PAPSS1: variants seen among roughly 807,000 people sequenced by gnomAD.
PAPSS1 encodes the protein 3'-phosphoadenosine 5'-phosphosulfate synthase 1.
Under a neutral mutation model 72.0 loss-of-function variants are expected in PAPSS1, and 50 were observed. The ratio of observed to expected loss-of-function variants is 0.69; its 90% CI spans 0.55 to 0.88. The LOEUF (loss-of-function observed/expected upper bound fraction) is 0.88. Among genes scored for constraint, PAPSS1 ranks in the 40% least tolerant of loss-of-function variants. The probability of loss-of-function intolerance (pLI) is 0.00; values close to 1 mark genes in which losing one functional copy is unlikely to be tolerated. For synonymous variants in PAPSS1, 261 were observed against 263.6 expected, an observed-to-expected ratio of 0.99 and a Z score of 0.09; for missense variants, 657 against 782.2, an observed-to-expected ratio of 0.84 and a Z score of 1.91.
At chr4:107,650,073 T>C (rs1362636310) in intron 9 of PAPSS1, among the ~76,000 whole-genome samples, 2 of 152,180 alleles carry the variant, frequency 1.3e-5, no homozygotes, top group Admixed American at 6.5e-5. Flanking sequence ...TCACATGGGG[T>C]AATCAAAGTA....
chr4:107,689,344 G>A (rs920613113), intron 3 of PAPSS1, among the ~76,000 whole-genome samples: 21 of 151,962 alleles, frequency 1.4e-4, no homozygotes, highest in African/African-American at 4.1e-4. Flanking sequence ...GCCTCCCCAC[G>A]CCACAACCCA....
At chr4:107,663,859 T>C (rs1727250023) in intron 5 of PAPSS1, among the ~76,000 whole-genome samples, 1 of 152,226 alleles carries the variant, frequency 6.6e-6, no homozygotes. Flanking sequence ...TTGAGAAGTA[T>C]TGAAAACTAA....
At chr4:107,623,802 A>C (rs996259895) in intron 11 of PAPSS1, among the ~76,000 whole-genome samples, 1 of 152,228 alleles carries the variant, frequency 6.6e-6, no homozygotes, top group Non-Finnish European at 1.5e-5. Flanking sequence ...CCAGGGCAAA[A>C]GCAGCTTCAA....
intron 10 of PAPSS1, among the ~76,000 whole-genome samples, chr4:107,640,679 A>AAT (rs1338844160): frequency 6.6e-6 from 1 of 152,190 alleles, no homozygotes; most frequent in Non-Finnish European, 1.5e-5. Flanking sequence ...CAACAGCCTA[A>AAT]ATACTGTCAG....
rs149431834 is a variant in PAPSS1 at position 107,641,997 on chromosome 4, T to C, written c.1506+2805A>G. 3.5e-3 allele frequency among the ~76,000 whole-genome samples: 530 copies of C among 152,236 alleles called. 3 individuals carry two copies. Among genetic ancestry groups the C allele is most frequent in the African/African-American group, 0.012 (499 of 41,526 alleles). On this transcript the variant is annotated intron_variant, in intron 10 of 11. Coordinates refer to ENST00000265174, the MANE Select transcript of PAPSS1 (RefSeq NM_005443.5). Reference sequence around the variant, plus strand: ...GATTTACATTGATCCTATTTTCTCCTCTCAACAATAGAAACATAGACAGAT... The same window carrying C: ...GATTTACATTGATCCTATTTTCTCCCCTCAACAATAGAAACATAGACAGAT...
At chr4:107,662,551 C>G (rs1194721642) in intron 5 of PAPSS1, among the ~76,000 whole-genome samples, 1 of 149,648 alleles carries the variant, frequency 6.7e-6, no homozygotes, top group East Asian at 2.0e-4. Flanking sequence ...GCAGTGACAA[C>G]TAAATATACA....
intron 10 of PAPSS1, 30 bp from the exon 11 acceptor site, chr4:107,631,890 T>G: frequency 6.7e-7 from 1 of 1,489,058 alleles, no homozygotes; most frequent in Non-Finnish European, 9.3e-7. Flanking sequence ...TTAGGTAACT[T>G]TGCTTTTATG....
chr4:107,694,817 C>T (rs1046495668), intron 2 of PAPSS1, among the ~76,000 whole-genome samples: 2 of 152,140 alleles, frequency 1.3e-5, no homozygotes, highest in African/African-American at 2.4e-5. Flanking sequence ...GGAAAGAGTA[C>T]ATTTATGCAC....
chr4:107,671,171 T>A (rs1484507226), intron 5 of PAPSS1, among the ~76,000 whole-genome samples: 2 of 152,034 alleles, frequency 1.3e-5, no homozygotes, highest in African/African-American at 4.8e-5. Flanking sequence ...GAACCCTGAA[T>A]ACAGTGCGGA....
chr4:107,625,909 C>T (rs551741315), intron 11 of PAPSS1, among the ~76,000 whole-genome samples: 125 of 152,058 alleles, frequency 8.2e-4, no homozygotes, highest in Non-Finnish European at 3.2e-4. Context: ...GGGCCGGGCG[C>T]GGTGGCTCAT....
chr4:107,679,873 C>T (rs1727756734), intron 5 of PAPSS1, among the ~76,000 whole-genome samples: 1 of 151,690 alleles, frequency 6.6e-6, no homozygotes, highest in Non-Finnish European at 1.5e-5. Context: ...AGAATTTCAA[C>T]AGAAAAATGA....
At chr4:107,665,970 T>C (rs1386346083) in intron 5 of PAPSS1, among the ~76,000 whole-genome samples, 1 of 152,238 alleles carries the variant, frequency 6.6e-6, no homozygotes, top group Non-Finnish European at 1.5e-5. Context: ...AAATACTTTC[T>C]GTACTTTTTT....
At chr4:107,717,851 G>A (rs1334127571) in intron 1 of PAPSS1, among the ~76,000 whole-genome samples, 1 of 151,908 alleles carries the variant, frequency 6.6e-6, no homozygotes, top group Non-Finnish European at 1.5e-5. Context: ...AAATCTAGTC[G>A]GTCCTCTCAA....
At chr4:107,697,554 T>C (rs1452030921) in intron 2 of PAPSS1, among the ~76,000 whole-genome samples, 2 of 152,226 alleles carry the variant, frequency 1.3e-5, no homozygotes, top group African/African-American at 4.8e-5. Context: ...CATACATACA[T>C]GTGTATTTAT....
intron 1 of PAPSS1, among the ~76,000 whole-genome samples, chr4:107,709,372 T>C (rs1351523140): frequency 6.6e-6 from 1 of 152,156 alleles, no homozygotes; most frequent in Non-Finnish European, 1.5e-5. Flanking sequence ...CAAACTGCCC[T>C]TAGGTATTGC....
intron 11 of PAPSS1, among the ~76,000 whole-genome samples, chr4:107,629,378 T>C (rs1371461642): frequency 1.3e-5 from 2 of 152,152 alleles, no homozygotes; most frequent in East Asian, 3.9e-4. Flanking sequence ...AAGGAAGAAA[T>C]TAATCTTGCC....
At chr4:107,683,334 T>C (rs1182551650) in intron 4 of PAPSS1, among the ~76,000 whole-genome samples, 1 of 148,934 alleles carries the variant, frequency 6.7e-6, no homozygotes, top group Non-Finnish European at 1.5e-5. Context: ...GGTATTCCCA[T>C]TTAGCAGTGG....
Position 107,687,210 on chromosome 4 carries a change from C to T in PAPSS1, c.412-33G>A, listed in dbSNP as rs562073561. On this transcript the variant is annotated intron_variant, in intron 3 of 11. Transcript: ENST00000265174. ...AAAAATAAAATAAAAAGTGATCACA[C>T]AAATCACAAACGTACTATATTAATA... 2.8e-5 allele frequency: 42 copies of T among 1,507,048 alleles called. No homozygotes were observed. The South Asian group carries it at 5.6e-4, about 20-fold the overall frequency. 93.4% of individuals were successfully genotyped at this position (1,507,048 alleles called of 1,614,324 possible).
At position 107,654,771 on chromosome 4, in the gene PAPSS1, T is replaced by A; in HGVS notation, c.1025A>T (p.Glu342Val). ...GRRVAILRNP[E>V]FFEHRKEERC... ...CTCCTCTTTCCTGTGCTCAAAAAAC[T>A]CTGGATTGCGAAGAATGGCCACACG... Residue 342 changes from glutamate to valine, a missense_variant, in exon 8 of 12, where the codon GAG becomes GTG. By Grantham distance (121) the Glu-to-Val change is moderately radical (BLOSUM62 -2). Transcript: ENST00000265174. The A allele has an allele frequency of 6.2e-7, 1 of 1,613,982 alleles. No individual in the cohort carries two copies. Among genetic ancestry groups the A allele is most frequent in the Non-Finnish European group, 8.5e-7 (1 of 1,179,924 alleles).
Sources: gnomAD v4.1 joint callset for allele counts (sites outside exome capture counted in the v4.1 genomes callset) on GRCh38, gnomAD v4.1.1 for gene constraint, MANE v1.5 for transcripts, NCBI Gene and HGNC (gene_info 2026-07-23, HGNC 2026-07-21) for gene names.